Variants in DUSP22 observed in about 807,000 individuals in gnomAD.
DUSP22 encodes the protein dual specificity protein phosphatase 22.
A neutral mutation model predicts 24.5 loss-of-function variants in DUSP22; 24 were observed. That is an observed-to-expected ratio of 0.98 (90% CI 0.71 to 1.38). DUSP22 has a LOEUF of 1.38. Among genes scored for constraint, DUSP22 ranks in the 40% most tolerant of loss-of-function variants. The pLI, the probability that DUSP22 is intolerant of heterozygous loss-of-function variation, is 0.00. For synonymous variants in DUSP22, 160 were observed against 106.4 expected, an observed-to-expected ratio of 1.50 and a Z score of -3.10; for missense variants, 330 against 269.2, an observed-to-expected ratio of 1.23 and a Z score of -1.58.
chr6:301,344 G>A (rs1360516886), intron 1 of DUSP22, among the ~76,000 whole-genome samples: 9 of 152,308 alleles, frequency 5.9e-5, no homozygotes, highest in Non-Finnish European at 1.2e-4. Flanking sequence ...GATGGGACCA[G>A]TAAGGGGTAT....
At chr6:338,500 G>A (rs1759461152) in intron 4 of DUSP22, among the ~76,000 whole-genome samples, 1 of 152,298 alleles carries the variant, frequency 6.6e-6, no homozygotes, top group African/African-American at 2.4e-5. Flanking sequence ...ATCAACTTTT[G>A]CTTTCTGTAT....
intron 3 of DUSP22, among the ~76,000 whole-genome samples, chr6:320,936 AAAGAG>A (rs1179108959): frequency 6.6e-6 from 1 of 152,310 alleles, no homozygotes; most frequent in Non-Finnish European, 1.5e-5. Flanking sequence ...GATAAAATAC[AAAGAG>A]AAGTGAGATG....
intron 2 of DUSP22, among the ~76,000 whole-genome samples, chr6:305,934 A>G (rs1177053618): frequency 5.9e-5 from 9 of 152,300 alleles, no homozygotes; most frequent in Non-Finnish European, 1.3e-4. Context: ...AATAATCTTT[A>G]TTGTTGCTCT....
chr6:343,358 A>T (rs1170951563), intron 4 of DUSP22, among the ~76,000 whole-genome samples: 2 of 53,624 alleles, frequency 3.7e-5, no homozygotes, highest in African/African-American at 1.9e-4. Context: ...CACAGTAGAC[A>T]GGCCAGTGCA....
intron 3 of DUSP22, among the ~76,000 whole-genome samples, chr6:313,984 C>T (rs1758223087): frequency 6.6e-6 from 1 of 152,308 alleles, no homozygotes; most frequent in South Asian, 2.1e-4. Context: ...AATCCAGATC[C>T]ATAAGCTGTG....
At chr6:294,559 C>CAT (rs1250334988) in intron 1 of DUSP22, among the ~76,000 whole-genome samples, 3 of 152,274 alleles carry the variant, frequency 2.0e-5, no homozygotes, top group African/African-American at 7.2e-5. Context: ...ATTGTTTCAA[C>CAT]ATGTAACCAA....
intron 1 of DUSP22, among the ~76,000 whole-genome samples, chr6:303,740 C>CAA (rs1210175826): frequency 6.6e-6 from 1 of 152,304 alleles, no homozygotes; most frequent in Non-Finnish European, 1.5e-5. Context: ...AGTGTCCATG[C>CAA]AAAGTGCTGG....
At chr6:348,342 G>A (rs545300810) in intron 6 of DUSP22, 68 bp downstream of exon 6, 34 of 1,596,928 alleles carry the variant, frequency 2.1e-5, no homozygotes, top group Admixed American at 8.5e-5. Context: ...CAGTCTTTCC[G>A]TACACAGCCA....
At chr6:331,559 CATCT>C (rs1236615029) in intron 3 of DUSP22, among the ~76,000 whole-genome samples, 1 of 152,302 alleles carries the variant, frequency 6.6e-6, no homozygotes, top group African/African-American at 2.4e-5. Context: ...TTGGTGAAAC[CATCT>C]ATTCCACATC....
At chr6:328,637 G>A (rs7756502) in intron 3 of DUSP22, among the ~76,000 whole-genome samples, 6,446 of 149,952 alleles carry the variant, frequency 0.043, no homozygotes, top group African/African-American at 0.14. Flanking sequence ...TTTGTAGTAC[G>A]GTTTCCTAAA....
intron 1 of DUSP22, among the ~76,000 whole-genome samples, chr6:295,160 T>TA (rs1360528111): frequency 6.6e-6 from 1 of 152,290 alleles, no homozygotes; most frequent in Non-Finnish European, 1.5e-5. Flanking sequence ...CATTTATAAA[T>TA]ATGTGCAATG....
At chr6:308,207 G>T (rs963648684) in intron 2 of DUSP22, among the ~76,000 whole-genome samples, 5 of 152,088 alleles carry the variant, frequency 3.3e-5, no homozygotes, top group Non-Finnish European at 1.5e-5. Context: ...GCACCAAAGC[G>T]CTAAGTTCTG....
chr6:320,599 G>T (rs1458759354), intron 3 of DUSP22, among the ~76,000 whole-genome samples: 1 of 152,304 alleles, frequency 6.6e-6, no homozygotes, highest in Non-Finnish European at 1.5e-5. Context: ...CATGGGCTCT[G>T]CCAGTCCACG....
At chr6:328,598 C>G (rs1205941186) in intron 3 of DUSP22, among the ~76,000 whole-genome samples, 1 of 152,424 alleles carries the variant, frequency 6.6e-6, no homozygotes, top group East Asian at 1.9e-4. Context: ...CCCGCCCCAT[C>G]AGTACCACAG....
intron 3 of DUSP22, among the ~76,000 whole-genome samples, chr6:334,699 C>G (rs944065554): frequency 6.6e-6 from 1 of 152,294 alleles, no homozygotes; most frequent in Non-Finnish European, 1.5e-5. Flanking sequence ...AGTTTTCACT[C>G]TTGTTAAGGT....
chr6:319,457 G>A (rs982089335), intron 3 of DUSP22, among the ~76,000 whole-genome samples: 1 of 152,304 alleles, frequency 6.6e-6, no homozygotes, highest in Non-Finnish European at 1.5e-5. Flanking sequence ...TTCAAAGGGA[G>A]AAGATGGCCC....
Position 296,190 on chromosome 6 carries a change from T to C in DUSP22, c.21+3630T>C, listed in dbSNP as rs571368533. On this transcript the variant is annotated intron_variant, in intron 1 of 6. Coordinates refer to ENST00000419235, the MANE Select transcript of DUSP22 (RefSeq NM_001286555.3). ...ATTACAGGCAAGAAACTAAAACTTT[T>C]TTTTTATTGTTTTTGTTTGTGTGTG... is the stretch of plus-strand genomic sequence containing the variant. Among the ~76,000 whole-genome samples the C allele has an allele frequency of 7.2e-5, 11 of 152,426 alleles. No individual in the cohort carries two copies. The East Asian group carries it at 1.7e-3, about 24-fold the overall frequency.
intron 1 of DUSP22, among the ~76,000 whole-genome samples, chr6:295,080 T>TA (rs57047001): frequency 0.13 from 18,800 of 148,942 alleles, 337 homozygotes; most frequent in Non-Finnish European, 0.16. Context: ...GCTTCATCTG[T>TA]AAAAAAAGAA....
intron 3 of DUSP22, among the ~76,000 whole-genome samples, chr6:316,244 G>A (rs1758330403): frequency 6.6e-6 from 1 of 152,308 alleles, no homozygotes; most frequent in Non-Finnish European, 1.5e-5. Flanking sequence ...ACAGAGGCAA[G>A]GGTCTTCCTG....
Sources: gnomAD v4.1 joint callset for allele counts (sites outside exome capture counted in the v4.1 genomes callset) on GRCh38, gnomAD v4.1.1 for gene constraint, MANE v1.5 for transcripts, NCBI Gene and HGNC (gene_info 2026-07-23, HGNC 2026-07-21) for gene names.